Variants in MRPL1 observed in about 807,000 individuals in gnomAD.
MRPL1 encodes the protein mitochondrial ribosomal protein L1.
MRPL1 carries 28 observed loss-of-function variants against 38.0 expected under a neutral mutation model. The ratio of observed to expected loss-of-function variants is 0.74; its 90% confidence interval spans 0.55 to 1.01. The LOEUF (loss-of-function observed/expected upper bound fraction) is 1.01. Among genes scored for constraint, MRPL1 ranks in the 50% least tolerant of loss-of-function variants. The pLI is 0.00. For synonymous variants in MRPL1, 123 were observed against 126.7 expected (o/e 0.97, Z 0.20); for missense variants, 358 against 389.8 (o/e 0.92, Z 0.69).
Position 77,949,830 on chromosome 4 carries a change from C to T in MRPL1, c.811C>T (p.Leu271=), listed in dbSNP as rs1226981162. 2 of 1,611,370 alleles carry T rather than the reference C, an allele frequency of 1.2e-6. No individual in the cohort carries two copies. The highest frequency in any genetic ancestry group is 1.7e-5 in the Admixed American group (1 of 59,608). Residue 271 remains leucine, a synonymous_variant, in exon 8 of 9, where the codon CTG becomes TTG. Coordinates refer to ENST00000315567, the MANE Select transcript of MRPL1 (RefSeq NM_020236.4). ...GTCAAGTGACCAGATAGCTGCCAAT[C>T]TGCAAGCAGTTATTAATGAAGTTTG... ...DMSSDQIAAN[L]QAVINEVCRH...
At chr4:77,887,433 T>G (rs976510144) in intron 5 of MRPL1, 142 bp downstream of exon 5, 27 of 694,188 alleles carry the variant, frequency 3.9e-5, no homozygotes, top group Non-Finnish European at 6.0e-5. Context: ...GAAAAAAATT[T>G]CCAACTTTCT....
chr4:77,868,362 C>G (rs1735202641), intron 1 of MRPL1, among the ~76,000 whole-genome samples: 1 of 152,134 alleles, frequency 6.6e-6, no homozygotes, highest in Non-Finnish European at 1.5e-5. Context: ...GCCTCAGCCT[C>G]CCGAGTAGCT....
intron 7 of MRPL1, among the ~76,000 whole-genome samples, chr4:77,949,535 T>C (rs542266964): frequency 6.6e-6 from 1 of 152,184 alleles, no homozygotes; most frequent in East Asian, 1.9e-4. Flanking sequence ...TTTAGGGAAA[T>C]TACTTGGAAG....
chr4:77,863,209 C>A (rs1290861640), intron 1 of MRPL1, among the ~76,000 whole-genome samples: 3 of 151,998 alleles, frequency 2.0e-5, no homozygotes, highest in Non-Finnish European at 4.4e-5. Flanking sequence ...GAGGTGAGTT[C>A]TGATAAGGGA....
At chr4:77,950,086 G>C (rs961434153) in intron 8 of MRPL1, among the ~76,000 whole-genome samples, 5 of 152,098 alleles carry the variant, frequency 3.3e-5, no homozygotes, top group African/African-American at 1.2e-4. Flanking sequence ...GCATTAATAA[G>C]GAATGCATCC....
At chr4:77,908,446 T>A (rs1736210876) in intron 6 of MRPL1, 1 of 152,696 alleles carries the variant, frequency 6.5e-6, no homozygotes, top group African/African-American at 2.4e-5. Flanking sequence ...TTGGCCAGGC[T>A]GGTCTTGAAC....
At chr4:77,901,841 C>G (rs1437046946) in intron 6 of MRPL1, among the ~76,000 whole-genome samples, 1 of 152,150 alleles carries the variant, frequency 6.6e-6, no homozygotes, top group East Asian at 1.9e-4. Flanking sequence ...GAACAACACT[C>G]TTAGTCATCT....
At chr4:77,913,118 T>A (rs1176507705) in intron 7 of MRPL1, among the ~76,000 whole-genome samples, 1 of 152,074 alleles carries the variant, frequency 6.6e-6, no homozygotes, top group Non-Finnish European at 1.5e-5. Flanking sequence ...GGTTAGGGGA[T>A]GTTTCTTAGA....
At chr4:77,927,653 A>G (rs1254479962) in intron 7 of MRPL1, among the ~76,000 whole-genome samples, 2 of 151,992 alleles carry the variant, frequency 1.3e-5, no homozygotes, top group Non-Finnish European at 2.9e-5. Flanking sequence ...ATTATTTGGA[A>G]TGAGGAAAAA....
chr4:77,908,576 A>G (rs988870688), intron 6 of MRPL1, among the ~76,000 whole-genome samples: 5 of 152,008 alleles, frequency 3.3e-5, no homozygotes, highest in African/African-American at 1.2e-4. Flanking sequence ...TTTTATTTTA[A>G]TATGTCATCT....
At chr4:77,888,401 A>T (rs971214240) in intron 5 of MRPL1, among the ~76,000 whole-genome samples, 8 of 152,136 alleles carry the variant, frequency 5.3e-5, no homozygotes, top group Admixed American at 4.6e-4. Context: ...GCTACTTGGG[A>T]GGCTGAGGCA....
At chr4:77,884,722 A>C (rs1735634137) in intron 3 of MRPL1, among the ~76,000 whole-genome samples, 1 of 152,206 alleles carries the variant, frequency 6.6e-6, no homozygotes, top group East Asian at 1.9e-4. Flanking sequence ...AATGATGGCA[A>C]TTGGGGGTGA....
chr4:77,894,941 A>T (rs1313145330), intron 6 of MRPL1, among the ~76,000 whole-genome samples: 1 of 152,150 alleles, frequency 6.6e-6, no homozygotes, highest in East Asian at 1.9e-4. Context: ...TAGACACCAA[A>T]GTAAGTCAGA....
chr4:77,909,146 T>C, intron 6 of MRPL1, 120 bp from the exon 7 acceptor site: 3 of 714,314 alleles, frequency 4.2e-6, no homozygotes, highest in Non-Finnish European at 7.4e-6. Context: ...TCTTTGGAAC[T>C]AAAGTTTATC....
At chr4:77,864,236 A>G (rs1041050542) in intron 1 of MRPL1, among the ~76,000 whole-genome samples, 9 of 152,130 alleles carry the variant, frequency 5.9e-5, no homozygotes, top group Admixed American at 2.0e-4. Context: ...TTTTCTTGTC[A>G]CATTTTCTTC....
At chr4:77,945,029 C>T (rs574405509) in intron 7 of MRPL1, among the ~76,000 whole-genome samples, 1 of 151,894 alleles carries the variant, frequency 6.6e-6, no homozygotes, top group African/African-American at 2.4e-5. Flanking sequence ...ATAATAGCAC[C>T]TACCTCATAA....
intron 1 of MRPL1, among the ~76,000 whole-genome samples, chr4:77,867,795 C>T (rs1021906892): frequency 2.3e-5 from 3 of 131,862 alleles, no homozygotes; most frequent in East Asian, 2.3e-4. Flanking sequence ...CTTGCTCTGT[C>T]GACCAGGCTA....
At chr4:77,908,579 T>C (rs1314201580) in intron 6 of MRPL1, among the ~76,000 whole-genome samples, 1 of 152,234 alleles carries the variant, frequency 6.6e-6, no homozygotes, top group Non-Finnish European at 1.5e-5. Context: ...TATTTTAATA[T>C]GTCATCTGTG....
chr4:77,863,496 C>T (rs1209270394), intron 1 of MRPL1, among the ~76,000 whole-genome samples: 5 of 119,204 alleles, frequency 4.2e-5, no homozygotes, highest in Non-Finnish European at 5.0e-5. Flanking sequence ...ACGGCAGTCT[C>T]GCTCTGCCAC....
Sources: gnomAD v4.1 joint callset for allele counts (sites outside exome capture counted in the v4.1 genomes callset) on GRCh38, gnomAD v4.1.1 for gene constraint, MANE v1.5 for transcripts, NCBI Gene and HGNC (gene_info 2026-07-23, HGNC 2026-07-21) for gene names.